Variants in ZNF385D observed in about 807,000 individuals in gnomAD.
ZNF385D encodes the protein zinc finger protein 659.
ZNF385D carries 15 observed loss-of-function variants against 35.8 expected under a neutral mutation model. The observed-to-expected ratio is 0.42, with a 90% CI of 0.28 to 0.64. ZNF385D has a LOEUF of 0.64. Ranked by LOEUF, ZNF385D falls within the 30% of genes least tolerant of loss-of-function variation. ZNF385D has a pLI of 0.23. For synonymous variants in ZNF385D, 212 were observed against 186.8 expected, an observed-to-expected ratio of 1.13 and a Z score of -1.10; for missense variants, 474 against 494.6, an observed-to-expected ratio of 0.96 and a Z score of 0.39.
At chr3:21,480,774 T>C (rs1201632427) in intron 4 of ZNF385D, among the ~76,000 whole-genome samples, 1 of 152,206 alleles carries the variant, frequency 6.6e-6, no homozygotes, top group Non-Finnish European at 1.5e-5. Context: ...TCAGAGAATA[T>C]AGATCATTTC....
chr3:22,192,386 T>C (rs922241064), intron 2 of ZNF385D, among the ~76,000 whole-genome samples: 2 of 152,174 alleles, frequency 1.3e-5, no homozygotes, highest in Admixed American at 6.6e-5. Context: ...CACCTCTTGG[T>C]ATTCATGCTG....
At chr3:22,356,520 G>A (rs528522111) in intron 2 of ZNF385D, among the ~76,000 whole-genome samples, 10 of 151,894 alleles carry the variant, frequency 6.6e-5, no homozygotes, top group Non-Finnish European at 1.3e-4. Flanking sequence ...CCGTCTGAAT[G>A]AGATTCCAGC....
intron 2 of ZNF385D, among the ~76,000 whole-genome samples, chr3:22,201,493 T>C (rs913505840): frequency 6.6e-6 from 1 of 152,106 alleles, no homozygotes; most frequent in African/African-American, 2.4e-5. Context: ...AGCACTTGTT[T>C]AGAGAAATAC....
chr3:21,941,741 C>T (rs1264443881), intron 3 of ZNF385D, among the ~76,000 whole-genome samples: 1 of 152,032 alleles, frequency 6.6e-6, no homozygotes, highest in African/African-American at 2.4e-5. Context: ...TCGTGATCCG[C>T]CCACCTCGGC....
chr3:21,838,116 A>G (rs183479024), intron 3 of ZNF385D, among the ~76,000 whole-genome samples: 1 of 152,238 alleles, frequency 6.6e-6, no homozygotes, highest in African/African-American at 2.4e-5. Context: ...ATTAACAATG[A>G]ATTCCCAGAG....
intron 3 of ZNF385D, among the ~76,000 whole-genome samples, chr3:21,876,337 T>G (rs1697969229): frequency 6.6e-6 from 1 of 151,640 alleles, no homozygotes; most frequent in Non-Finnish European, 1.5e-5. Flanking sequence ...TTCAGCCTGG[T>G]CAAAACGGTA....
upstream of ZNF385D, among the ~76,000 whole-genome samples, chr3:21,755,387 T>A (rs575538749): frequency 1.3e-5 from 2 of 152,310 alleles, no homozygotes; most frequent in East Asian, 3.9e-4. Flanking sequence ...GACAACCAAG[T>A]CCCTATTCGC....
At chr3:21,864,999 T>C in intron 3 of ZNF385D, among the ~76,000 whole-genome samples, 1 of 149,774 alleles carries the variant, frequency 6.7e-6, no homozygotes, top group East Asian at 2.0e-4. Context: ...GCTTTTTTTT[T>C]TTTTCTTCCA....
intron 3 of ZNF385D, among the ~76,000 whole-genome samples, chr3:22,009,440 G>T (rs1379936642): frequency 6.6e-6 from 1 of 151,920 alleles, no homozygotes; most frequent in African/African-American, 2.4e-5. Flanking sequence ...TGGCTAACAC[G>T]GTGAAACCCC....
At chr3:21,515,798 C>G (rs532870012) in intron 3 of ZNF385D, among the ~76,000 whole-genome samples, 1 of 152,284 alleles carries the variant, frequency 6.6e-6, no homozygotes, top group African/African-American at 2.4e-5. Context: ...TAAAAGGCCA[C>G]AAGATTAGGA....
At chr3:21,885,922 T>A (rs1300503339) in intron 3 of ZNF385D, among the ~76,000 whole-genome samples, 1 of 152,028 alleles carries the variant, frequency 6.6e-6, no homozygotes, top group Non-Finnish European at 1.5e-5. Flanking sequence ...TCTATTAAGG[T>A]CTTCAGTTAA....
intron 1 of ZNF385D, among the ~76,000 whole-genome samples, chr3:21,736,449 C>T (rs1337285505): frequency 1.3e-5 from 2 of 152,160 alleles, no homozygotes; most frequent in East Asian, 1.9e-4. Context: ...CCTCTTAATG[C>T]CCACCGACTG....
At chr3:22,282,227 T>C (rs1341278479) in intron 2 of ZNF385D, among the ~76,000 whole-genome samples, 3 of 151,938 alleles carry the variant, frequency 2.0e-5, no homozygotes, top group Admixed American at 6.6e-5. Context: ...TGTACTGTTT[T>C]AATTTCATTT....
At chr3:21,669,010 G>C (rs1487326919) in intron 1 of ZNF385D, among the ~76,000 whole-genome samples, 7 of 152,130 alleles carry the variant, frequency 4.6e-5, no homozygotes, top group Admixed American at 4.6e-4. Context: ...TTATTCATTG[G>C]AATGCCACAT....
At chr3:22,166,578 G>T (rs1009344158) in intron 3 of ZNF385D, among the ~76,000 whole-genome samples, 2 of 152,112 alleles carry the variant, frequency 1.3e-5, no homozygotes, top group African/African-American at 4.8e-5. Flanking sequence ...AGATCACTTT[G>T]GTTGGTTATG....
intron 3 of ZNF385D, among the ~76,000 whole-genome samples, chr3:22,151,886 A>G (rs1310777745): frequency 6.6e-6 from 1 of 152,148 alleles, no homozygotes; most frequent in South Asian, 2.1e-4. Context: ...TTAGGGGTAC[A>G]TGTGCAGGTT....
intron 4 of ZNF385D, among the ~76,000 whole-genome samples, chr3:21,482,916 G>A (rs771418594): frequency 6.6e-6 from 1 of 152,044 alleles, no homozygotes; most frequent in Non-Finnish European, 1.5e-5. Flanking sequence ...CTAGATTCCT[G>A]CAATGACAAC....
At chr3:21,978,997 G>T (rs1694235950) in intron 3 of ZNF385D, among the ~76,000 whole-genome samples, 1 of 152,112 alleles carries the variant, frequency 6.6e-6, no homozygotes, top group African/African-American at 2.4e-5. Context: ...TCAGTATGCA[G>T]CTTCCAAAAT....
intron 3 of ZNF385D, among the ~76,000 whole-genome samples, chr3:21,946,352 A>C (rs1310416979): frequency 6.6e-6 from 1 of 152,194 alleles, no homozygotes; most frequent in Non-Finnish European, 1.5e-5. Flanking sequence ...ATGTACAAGA[A>C]ATTCAACACA....
Sources: allele counts gnomAD v4.1 joint callset (sites outside exome capture counted in the v4.1 genomes callset), GRCh38; gene constraint gnomAD v4.1.1; transcripts MANE v1.5; gene names NCBI Gene and HGNC (gene_info 2026-07-23, HGNC 2026-07-21).